Variants in EVL observed in about 807,000 individuals in gnomAD.
EVL encodes ena/VASP-like protein.
EVL carries 21 observed loss-of-function variants against 59.6 expected under a neutral mutation model. That is an observed-to-expected ratio of 0.35 (90% CI 0.25 to 0.51). EVL has a LOEUF of 0.51. EVL is among the 20% of genes least tolerant of loss of function. The pLI, the probability that EVL is intolerant of heterozygous loss-of-function variation, is 0.97. For missense variants in EVL, 462 were observed against 546.6 expected, an observed-to-expected ratio of 0.85 and a Z score of 1.54; for synonymous variants, 198 against 203.5, an observed-to-expected ratio of 0.97 and a Z score of 0.23.
chr14:100,112,771 C>T lies in EVL; in HGVS notation c.359-10768C>T, dbSNP rs541339983. 4.6e-5 allele frequency among the ~76,000 whole-genome samples: 7 copies of T among 152,360 alleles called. No homozygotes were observed. In the East Asian group the frequency reaches 1.3e-3, roughly 29 times the overall value. On this transcript the variant is annotated intron_variant, in intron 3 of 13. Coordinates refer to ENST00000392920, the MANE Select transcript of EVL (RefSeq NM_016337.3). The stretch of plus-strand genomic sequence containing the variant: ...GACCCACACACATTCCTTTAATTCT[C>T]ATTCTCTGCTGTGTTTTTCTTCCTA...
intron 3 of EVL, among the ~76,000 whole-genome samples, chr14:100,101,736 C>G (rs1886236174): frequency 6.6e-6 from 1 of 152,248 alleles, no homozygotes; most frequent in Admixed American, 6.5e-5. Flanking sequence ...CTGTCCAGCA[C>G]AAGACAGTTG....
At chr14:100,025,780 T>A (rs1432596594) in intron 1 of EVL, among the ~76,000 whole-genome samples, 1 of 151,676 alleles carries the variant, frequency 6.6e-6, no homozygotes, top group African/African-American at 2.4e-5. Flanking sequence ...AATACAAAAA[T>A]ACAAAATTAG....
intron 1 of EVL, among the ~76,000 whole-genome samples, chr14:100,024,037 T>G (rs1163518255): frequency 2.0e-5 from 3 of 152,250 alleles, no homozygotes; most frequent in South Asian, 4.1e-4. Flanking sequence ...TCCTGGTATT[T>G]GACTTATTCC....
At chr14:100,122,190 C>T (rs1429969525) in intron 3 of EVL, among the ~76,000 whole-genome samples, 3 of 152,216 alleles carry the variant, frequency 2.0e-5, no homozygotes, top group Non-Finnish European at 4.4e-5. Context: ...CATCCAAGGG[C>T]AGCTTATGAG....
At chr14:100,026,426 C>T (rs1474573579) in intron 1 of EVL, among the ~76,000 whole-genome samples, 1 of 152,182 alleles carries the variant, frequency 6.6e-6, no homozygotes, top group Non-Finnish European at 1.5e-5. Flanking sequence ...TTCCCAGATA[C>T]TATGTGCCTG....
chr14:100,005,500 G>A (rs1002673310), intron 1 of EVL, among the ~76,000 whole-genome samples: 2 of 151,920 alleles, frequency 1.3e-5, no homozygotes, highest in African/African-American at 4.8e-5. Context: ...GCATCAGAGG[G>A]TGCAAGAGAA....
At chr14:100,082,059 G>C (rs1051144416) in intron 1 of EVL, among the ~76,000 whole-genome samples, 1 of 152,184 alleles carries the variant, frequency 6.6e-6, no homozygotes, top group Non-Finnish European at 1.5e-5. Flanking sequence ...GGGAGGCGGA[G>C]GTTGCAGTGA....
chr14:100,133,025 G>A (rs1156590078), intron 8 of EVL, among the ~76,000 whole-genome samples: 2 of 152,162 alleles, frequency 1.3e-5, no homozygotes, highest in South Asian at 4.1e-4. Flanking sequence ...TGCAGCCTGA[G>A]GCGCTGGCCG....
chr14:100,030,521 A>G (rs2061297695), intron 1 of EVL, among the ~76,000 whole-genome samples: 1 of 152,238 alleles, frequency 6.6e-6, no homozygotes, highest in Non-Finnish European at 1.5e-5. Flanking sequence ...AGCCAGGAAA[A>G]AGGCTGATAC....
intron 3 of EVL, chr14:100,107,534 T>C: frequency 2.6e-6 from 1 of 379,586 alleles, no homozygotes; most frequent in East Asian, 3.8e-5. Flanking sequence ...GTTCCTCCAC[T>C]AGCATTCCCT....
At chr14:100,125,135 CA>C (rs1566718377) in intron 4 of EVL, among the ~76,000 whole-genome samples, 2 of 143,496 alleles carry the variant, frequency 1.4e-5, no homozygotes, top group Non-Finnish European at 3.0e-5. Context: ...CACACACACA[CA>C]CACACACACA....
intron 1 of EVL, among the ~76,000 whole-genome samples, chr14:100,075,573 G>A (rs1014450394): frequency 2.6e-5 from 4 of 152,126 alleles, no homozygotes; most frequent in Non-Finnish European, 4.4e-5. Context: ...TGCAGAGCCC[G>A]GGCCAGAGGC....
At chr14:100,097,735 C>T in intron 3 of EVL, 77 bp downstream of exon 3, 1 of 1,399,510 alleles carries the variant, frequency 7.1e-7, no homozygotes, top group East Asian at 2.3e-5. Flanking sequence ...CTCTGGCTCT[C>T]CGGGTATCCT....
chr14:100,062,904 G>A (rs1042273027), upstream of EVL, among the ~76,000 whole-genome samples: 30 of 152,054 alleles, frequency 2.0e-4, no homozygotes, highest in African/African-American at 7.2e-4. Flanking sequence ...ATCAGCCTCG[G>A]AAACATAGCA....
chr14:100,073,336 T>TG (rs1175877749), intron 1 of EVL, among the ~76,000 whole-genome samples: 8 of 149,596 alleles, frequency 5.3e-5, no homozygotes, highest in East Asian at 1.9e-4. Context: ...TTTTTTTTTT[T>TG]GGGGAGACAG....
chr14:100,132,532 G>A (rs1372617686), intron 7 of EVL, among the ~76,000 whole-genome samples, 187 bp from the exon 8 acceptor site: 2 of 152,198 alleles, frequency 1.3e-5, no homozygotes, highest in African/African-American at 4.8e-5. Context: ...CGGAGGGCCT[G>A]GACATTTGCC....
At chr14:100,055,236 C>G (rs2061709725) in intron 1 of EVL, among the ~76,000 whole-genome samples, 1 of 151,264 alleles carries the variant, frequency 6.6e-6, no homozygotes, top group Admixed American at 6.6e-5. Flanking sequence ...CTCTTTAAAT[C>G]TGCCTATTCT....
At position 100,084,801 on chromosome 14, in the gene EVL, C is replaced by T; in HGVS notation, c.126C>T (p.His42=). 6.2e-7 allele frequency: 1 copy of T among 1,614,200 alleles called. No homozygotes were observed. The highest frequency in any genetic ancestry group is 8.5e-7 in the Non-Finnish European group (1 of 1,180,046). ...QQGFSRINIY[H]NTASNTFRVV... Reference sequence around the variant, plus strand: ...GATTCAGCCGGATCAACATCTACCACAACACTGCCAGCAACACCTTCAGAG... The same window carrying T: ...GATTCAGCCGGATCAACATCTACCATAACACTGCCAGCAACACCTTCAGAG... Residue 42 remains histidine, a synonymous_variant, in exon 2 of 14, where the codon CAC becomes CAT. Transcript: ENST00000392920.
chr14:100,073,000 G>A (rs1055260233), intron 1 of EVL, among the ~76,000 whole-genome samples: 1 of 152,170 alleles, frequency 6.6e-6, no homozygotes, highest in Admixed American at 6.5e-5. Context: ...AATCACTGCA[G>A]AATGTTTTTC....
Sources: gnomAD v4.1 joint callset for allele counts (sites outside exome capture counted in the v4.1 genomes callset) on GRCh38, gnomAD v4.1.1 for gene constraint, MANE v1.5 for transcripts, NCBI Gene and HGNC (gene_info 2026-07-23, HGNC 2026-07-21) for gene names.